Variants in ZNF420 observed in about 807,000 individuals in gnomAD.
The protein encoded by ZNF420 is zinc finger protein 420.
In ZNF420, 31 loss-of-function variants were observed where a neutral mutation model predicts 44.7. The observed-to-expected ratio is 0.69, with a 90% CI of 0.52 to 0.94. ZNF420 has a LOEUF of 0.94. ZNF420 is among the 40% of genes least tolerant of loss of function. ZNF420 has a pLI of 0.00. For missense variants in ZNF420, 681 were observed against 827.9 expected (o/e 0.82, Z 2.18); for synonymous variants, 245 against 267.4 (o/e 0.92, Z 0.82).
intron 4 of ZNF420, among the ~76,000 whole-genome samples, chr19:37,116,211 A>G (rs2146694804): frequency 6.6e-6 from 1 of 152,112 alleles, no homozygotes; most frequent in Middle Eastern, 3.4e-3. Flanking sequence ...TACTAAAAAT[A>G]CAAAAAAATT....
chr19:37,087,477 T>C (rs1417093623), intron 2 of ZNF420, among the ~76,000 whole-genome samples: 1 of 152,144 alleles, frequency 6.6e-6, no homozygotes, highest in Non-Finnish European at 1.5e-5. Flanking sequence ...AAGTATCTCT[T>C]GCAGAAATCT....
chr19:37,033,753 T>TTTTA (rs1298421159), intron 1 of ZNF420, among the ~76,000 whole-genome samples: 1 of 152,052 alleles, frequency 6.6e-6, no homozygotes, highest in Non-Finnish European at 1.5e-5. Context: ...TATGTTCCAT[T>TTTTA]TTTATTTATT....
chr19:37,123,597 GTCTTTTTTTTT>G (rs1270289093), intron 4 of ZNF420, among the ~76,000 whole-genome samples: 1 of 76,986 alleles, frequency 1.3e-5, no homozygotes, highest in Non-Finnish European at 2.5e-5. Context: ...TTTTACTCTT[GTCTTTTTTTTT>G]TTTTTTTTTT....
chr19:37,064,923 C>T (rs977125409), intron 1 of ZNF420, among the ~76,000 whole-genome samples: 4 of 152,136 alleles, frequency 2.6e-5, no homozygotes, highest in Admixed American at 6.5e-5. Context: ...AAAGTGGGAC[C>T]GGACCCAGGG....
At chr19:37,020,911 A>G (rs1177092493) in intron 1 of ZNF420, among the ~76,000 whole-genome samples, 1 of 152,212 alleles carries the variant, frequency 6.6e-6, no homozygotes, top group Non-Finnish European at 1.5e-5. Flanking sequence ...TTTAATAGGT[A>G]TAGAGTTTCA....
intron 4 of ZNF420, among the ~76,000 whole-genome samples, chr19:37,112,889 T>C (rs1240019196): frequency 6.6e-6 from 1 of 152,166 alleles, no homozygotes; most frequent in Non-Finnish European, 1.5e-5. Context: ...GGGCCATATA[T>C]CCCTGTGGGG....
In ZNF420 at chr19:37,105,791, G is replaced by C. The variant is rs557056293; in HGVS notation, c.136+14670G>C. ...GATTCCTAGGTATTTTATTGTCTTT[G>C]AAGTAATTGTGAATGGGAGTTCACT... On this transcript the variant is annotated intron_variant, in intron 4 of 4. Coordinates refer to ENST00000337995, the MANE Select transcript of ZNF420 (RefSeq NM_144689.5). Among the ~76,000 whole-genome samples, 34 of 152,264 alleles carry C rather than the reference G, an allele frequency of 2.2e-4. No homozygotes were observed. The South Asian group carries it at 2.9e-3, about 13-fold the overall frequency.
upstream of ZNF420, among the ~76,000 whole-genome samples, chr19:37,076,676 A>G (rs1968162848): frequency 6.6e-6 from 1 of 152,146 alleles, no homozygotes; most frequent in Non-Finnish European, 1.5e-5. Flanking sequence ...TTCCAGCTTT[A>G]TCCATGTCCC....
chr19:37,078,334 C>T (rs903514861), upstream of ZNF420: 3 of 152,234 alleles, frequency 2.0e-5, no homozygotes, highest in Admixed American at 6.5e-5. Flanking sequence ...GCTAGCCAAG[C>T]GCTGGACTAC....
chr19:37,041,873 A>T (rs1197780945), intron 1 of ZNF420, among the ~76,000 whole-genome samples: 7 of 152,252 alleles, frequency 4.6e-5, no homozygotes, highest in Non-Finnish European at 1.0e-4. Context: ...AGGTATAATC[A>T]TGATTATCTC....
At chr19:37,058,589 A>G (rs1235091349) in intron 1 of ZNF420, among the ~76,000 whole-genome samples, 2 of 152,090 alleles carry the variant, frequency 1.3e-5, no homozygotes, top group African/African-American at 4.8e-5. Flanking sequence ...CTCCGCTCCT[A>G]GAGCAGGCAT....
intron 1 of ZNF420, among the ~76,000 whole-genome samples, chr19:37,064,672 T>G (rs924555013): frequency 6.6e-6 from 1 of 152,226 alleles, no homozygotes; most frequent in Non-Finnish European, 1.5e-5. Flanking sequence ...CGCCATACTC[T>G]CCCTGGATAG....
chr19:37,052,321 C>T (rs1211634048), intron 1 of ZNF420, among the ~76,000 whole-genome samples: 1 of 151,780 alleles, frequency 6.6e-6, no homozygotes, highest in African/African-American at 2.4e-5. Context: ...ATCCAATTTG[C>T]CAGTCTGTGT....
At chr19:37,081,792 C>T (rs1018147997) in intron 2 of ZNF420, among the ~76,000 whole-genome samples, 1 of 149,526 alleles carries the variant, frequency 6.7e-6, no homozygotes, top group Non-Finnish European at 1.5e-5. Flanking sequence ...GTGATCTGCC[C>T]ACCTCGGCCT....
At chr19:37,059,482 C>T (rs1190214564) in intron 1 of ZNF420, among the ~76,000 whole-genome samples, 1 of 152,230 alleles carries the variant, frequency 6.6e-6, no homozygotes, top group Non-Finnish European at 1.5e-5. Context: ...CTCCGAGGCT[C>T]CGGCCTGACC....
chr19:37,047,461 G>A (rs1424504940), intron 1 of ZNF420, among the ~76,000 whole-genome samples: 2 of 152,186 alleles, frequency 1.3e-5, no homozygotes, highest in Non-Finnish European at 2.9e-5. Flanking sequence ...GTGGCACCTT[G>A]ATCTTGGACT....
At chr19:37,124,194 T>A (rs192642863) in intron 4 of ZNF420, among the ~76,000 whole-genome samples, 5 of 152,356 alleles carry the variant, frequency 3.3e-5, no homozygotes, top group Admixed American at 6.5e-5. Context: ...AATCAAAATA[T>A]GGCTTTTCTC....
chr19:37,077,216 G>A (rs1968180267), upstream of ZNF420, among the ~76,000 whole-genome samples: 1 of 152,116 alleles, frequency 6.6e-6, no homozygotes, highest in South Asian at 2.1e-4. Context: ...ACTTTCTGCC[G>A]GCCAAGGTTT....
intron 2 of ZNF420, among the ~76,000 whole-genome samples, chr19:37,080,918 G>C (rs375886494): frequency 9.9e-5 from 15 of 151,792 alleles, no homozygotes; most frequent in Non-Finnish European, 5.9e-5. Flanking sequence ...TTAGTTGGGC[G>C]TGGTGGTGGA....
Sources: allele counts gnomAD v4.1 joint callset (sites outside exome capture counted in the v4.1 genomes callset), GRCh38; gene constraint gnomAD v4.1.1; transcripts MANE v1.5; gene names NCBI Gene and HGNC (gene_info 2026-07-23, HGNC 2026-07-21).